Variants in SCAMP4 observed in about 807,000 individuals in gnomAD.
SCAMP4 encodes the protein secretory carrier membrane protein 4.
A neutral mutation model predicts 32.1 loss-of-function variants in SCAMP4; 19 were observed. That is an observed-to-expected ratio of 0.59 (90% CI 0.41 to 0.87). The LOEUF is 0.87. Among genes scored for constraint, SCAMP4 ranks in the 40% least tolerant of loss-of-function variants. The pLI is 0.00. For synonymous variants in SCAMP4, 152 were observed against 132.7 expected (o/e 1.15, Z -1.00); for missense variants, 302 against 309.0 (o/e 0.98, Z 0.17).
At chr19:1,923,260 G>A in intron 6 of SCAMP4, 73 bp downstream of exon 6, 2 of 1,345,030 alleles carry the variant, frequency 1.5e-6, no homozygotes, top group Non-Finnish European at 2.0e-6. Context: ...TGTCCCAGGT[G>A]GGTGAACGTC....
chr19:1,919,818 A>G (rs569971733), intron 5 of SCAMP4, among the ~76,000 whole-genome samples: 1 of 130,936 alleles, frequency 7.6e-6, no homozygotes, highest in South Asian at 2.4e-4. Flanking sequence ...AACTATTATT[A>G]TTTTTTTTTG....
rs2014061053 is a variant in SCAMP4 at position 1,925,230 on chromosome 19, T to G, written c.*946T>G. ...CTCCTGCCTCAGCCTCCCAAATAGCTGGGATTACAGTTGCCTGCCACCACG... is the reference window on the plus strand; with the variant it reads ...CTCCTGCCTCAGCCTCCCAAATAGCGGGGATTACAGTTGCCTGCCACCACG... On this transcript the variant is annotated 3_prime_UTR_variant, in exon 7 of 7. Transcript: ENST00000316097. 6.6e-6 allele frequency: 1 copy of G among 152,230 alleles called. No individual in the cohort carries two copies. Among genetic ancestry groups the G allele is most frequent in the South Asian group, 2.1e-4 (1 of 4,832 alleles). 9.4% of individuals were successfully genotyped at this position (152,230 alleles called of 1,614,324 possible).
At chr19:1,913,028 C>A in intron 1 of SCAMP4, 2 of 1,604,962 alleles carry the variant, frequency 1.2e-6, no homozygotes, top group Non-Finnish European at 1.7e-6. Flanking sequence ...ACGGTGCGCC[C>A]TCGCCCGACG....
At chr19:1,915,260 G>A (rs1415807785) in intron 2 of SCAMP4, among the ~76,000 whole-genome samples, 2 of 152,222 alleles carry the variant, frequency 1.3e-5, no homozygotes, top group Non-Finnish European at 2.9e-5. Flanking sequence ...CCGAAGCACA[G>A]CCCAGCCGGG....
rs184695514 is a variant in SCAMP4, at chr19:1,923,027, C to A, written c.396-43C>A. 3.6e-3 allele frequency: 5,449 copies of A among 1,493,740 alleles called. 24 individuals carry two copies. Among genetic ancestry groups the A allele is most frequent in the Middle Eastern group, 9.6e-3 (53 of 5,542 alleles). 92.5% of individuals were successfully genotyped at this position (1,493,740 alleles called of 1,614,324 possible). ...ATGGGCCGGACCATGGGCCCTCATC[C>A]AGCAGGTGTGCAGGCACCCACGCAC... On this transcript the variant is annotated intron_variant, in intron 5 of 6. Coordinates refer to ENST00000316097, the MANE Select transcript of SCAMP4 (RefSeq NM_079834.4).
chr19:1,915,437 C>G (rs918195318), intron 2 of SCAMP4: 1 of 256,964 alleles, frequency 3.9e-6, no homozygotes, highest in African/African-American at 2.2e-5. Context: ...CGCAGGCGCC[C>G]AGGGACACTT....
At chr19:1,912,108 C>T (rs757541473) in intron 1 of SCAMP4, 43 of 1,520,984 alleles carry the variant, frequency 2.8e-5, no homozygotes, top group Non-Finnish European at 3.6e-5. Flanking sequence ...GGAGCCCGCC[C>T]CGGGCCTCGT....
chr19:1,921,224 C>T (rs1445844630), intron 5 of SCAMP4: 2 of 985,034 alleles, frequency 2.0e-6, no homozygotes, highest in Non-Finnish European at 2.4e-6. Context: ...ACACTCTGTG[C>T]ACTGCTGTGG....
chr19:1,919,363 C>G lies in SCAMP4; in HGVS notation c.395+373C>G, dbSNP rs559998159. The stretch of plus-strand genomic sequence containing the variant: ...TGCACGGATCGCTGCAGGAGGAAGA[C>G]CTGTACATCTGTAAAAACACACATA... On this transcript the variant is annotated intron_variant, in intron 5 of 6. Transcript: ENST00000316097. 2.7e-5 allele frequency: 27 copies of G among 985,256 alleles called. No individual in the cohort carries two copies. In the South Asian group the frequency reaches 1.2e-3, roughly 45 times the overall value. 61.0% of individuals were successfully genotyped at this position (985,256 alleles called of 1,614,324 possible).
rs536224081 is a variant in SCAMP4, at chr19:1,915,539, G to A, written c.7+513G>A. ...GGCTGTGTTCCCATCTTGATCCCTG[G>A]AACCTGTGAGTGGGACCTCATTTGG... On this transcript the variant is annotated intron_variant, in intron 2 of 6. Coordinates refer to ENST00000316097, the MANE Select transcript of SCAMP4 (RefSeq NM_079834.4). 21 of 171,448 alleles carry A rather than the reference G, an allele frequency of 1.2e-4. 1 individual carries two copies. Among genetic ancestry groups the A allele is most frequent in the South Asian group, 7.9e-4 (6 of 7,588 alleles). 10.6% of individuals were successfully genotyped at this position (171,448 alleles called of 1,614,324 possible).
At chr19:1,909,097 T>G (rs1450527793) in intron 1 of SCAMP4, among the ~76,000 whole-genome samples, 1 of 144,018 alleles carries the variant, frequency 6.9e-6, no homozygotes. Context: ...AGAGTGAGAC[T>G]CTGTCTGAAA....
At chr19:1,912,287 G>A in intron 1 of SCAMP4, 1 of 1,577,118 alleles carries the variant, frequency 6.3e-7, no homozygotes, top group Non-Finnish European at 8.6e-7. Context: ...AGGAGGTGTC[G>A]GCCCTGCACC....
At chr19:1,912,971 C>T (rs986628600) in intron 1 of SCAMP4, 2 of 1,609,742 alleles carry the variant, frequency 1.2e-6, no homozygotes, top group African/African-American at 1.3e-5. Flanking sequence ...AGCCCTGCGC[C>T]ATGTGCGCCA....
At chr19:1,912,507 C>G in intron 1 of SCAMP4, 1 of 1,495,632 alleles carries the variant, frequency 6.7e-7, no homozygotes, top group South Asian at 1.3e-5. Flanking sequence ...GACCAGGGGC[C>G]AGTTCGAGGA....
At position 1,923,193 on chromosome 19, in the gene SCAMP4, T is replaced by C; in HGVS notation, c.513+6T>C. Reference sequence around the variant, plus strand: ...TGGCCATCGCGATCATGAAGGTGAGTCCTCGGCTTTGTGACGTCCAGCCCT... The same window carrying C: ...TGGCCATCGCGATCATGAAGGTGAGCCCTCGGCTTTGTGACGTCCAGCCCT... On this transcript the variant is annotated splice_donor_region_variant and intron_variant, in intron 6 of 6. Coordinates refer to ENST00000316097, the MANE Select transcript of SCAMP4 (RefSeq NM_079834.4). 1.3e-6 allele frequency: 2 copies of C among 1,530,412 alleles called. No individual in the cohort carries two copies. The highest frequency in any genetic ancestry group is 1.8e-6 in the Non-Finnish European group (2 of 1,129,310). The allele number at this position is 1,530,412 out of a possible 1,614,324, so 94.8% of individuals were successfully genotyped here. A position where few individuals can be genotyped will look rare whatever the true frequency, so the allele number is the denominator to read the frequency against.
chr19:1,924,213 A>G lies in SCAMP4; in HGVS notation c.619A>G (p.Asn207Asp). Residue 207 changes from asparagine (N) to aspartate (D), a missense_variant, in exon 7 of 7, where the codon AAC becomes GAC. Coordinates refer to ENST00000316097, the MANE Select transcript of SCAMP4 (RefSeq NM_079834.4). ...NPPSREAQYN[N>D]FSGNSLPEYP... The stretch of plus-strand genomic sequence containing the variant: ...ACCGTCGAGGGAGGCCCAGTACAAC[A>G]ACTTCTCAGGCAACAGCCTGCCCGA... The G allele has an allele frequency of 6.2e-7, 1 of 1,609,028 alleles. No individual in the cohort carries two copies. Among genetic ancestry groups the G allele is most frequent in the East Asian group, 2.2e-5 (1 of 44,678 alleles).
chr19:1,925,184 G>C lies in SCAMP4; in HGVS notation c.*900G>C, dbSNP rs576074220. 6.6e-6 allele frequency: 1 copy of C among 151,250 alleles called. No homozygotes were observed. Among genetic ancestry groups the C allele is most frequent in the South Asian group, 2.1e-4 (1 of 4,772 alleles). 9.4% of individuals were successfully genotyped at this position (151,250 alleles called of 1,614,324 possible). A position where few individuals can be genotyped will look rare whatever the true frequency, so the allele number is the denominator to read the frequency against. On this transcript the variant is annotated 3_prime_UTR_variant, in exon 7 of 7. Coordinates refer to ENST00000316097, the MANE Select transcript of SCAMP4 (RefSeq NM_079834.4). ...GTGATCTCGGCTCACTGCAACCTCTGCCTCCCGTGTTCAAGCAGTTCTCCT... is the reference window on the plus strand; with the variant it reads ...GTGATCTCGGCTCACTGCAACCTCTCCCTCCCGTGTTCAAGCAGTTCTCCT...
At chr19:1,907,853 C>T (rs576904565) in intron 1 of SCAMP4, among the ~76,000 whole-genome samples, 7 of 152,244 alleles carry the variant, frequency 4.6e-5, no homozygotes, top group Middle Eastern at 3.4e-3. Context: ...GTCGTCCCCC[C>T]GGGCCATAGC....
chr19:1,913,196 G>A (rs1269946214), intron 1 of SCAMP4: 1 of 1,468,564 alleles, frequency 6.8e-7, no homozygotes, highest in Non-Finnish European at 9.0e-7. Flanking sequence ...CCGGCCGTGG[G>A]GCGCCCCTCC....
Sources: allele counts gnomAD v4.1 joint callset (sites outside exome capture counted in the v4.1 genomes callset), GRCh38; gene constraint gnomAD v4.1.1; transcripts MANE v1.5; gene names NCBI Gene and HGNC (gene_info 2026-07-23, HGNC 2026-07-21).